MALRD1: variants seen among roughly 807,000 people sequenced by gnomAD.
The protein encoded by MALRD1 is MAM and LDL-receptor class A domain-containing protein 1.
A neutral mutation model predicts 242.1 loss-of-function variants in MALRD1; 247 were observed. The ratio of observed to expected loss-of-function variants is 1.02; its 90% CI spans 0.92 to 1.13. The LOEUF (loss-of-function observed/expected upper bound fraction) is 1.13. Ranked by LOEUF, MALRD1 falls within the 50% of genes most tolerant of loss-of-function variation. The probability of loss-of-function intolerance (pLI) is 0.00; values close to 1 mark genes in which losing one functional copy is unlikely to be tolerated. For missense variants in MALRD1, 2,989 were observed against 2,533.1 expected, an observed-to-expected ratio of 1.18 and a Z score of -3.86; for synonymous variants, 995 against 866.6, an observed-to-expected ratio of 1.15 and a Z score of -2.60.
At chr10:19,156,479 T>G (rs1397716757) in intron 12 of MALRD1, among the ~76,000 whole-genome samples, 67 of 133,496 alleles carry the variant, frequency 5.0e-4, no homozygotes, top group Admixed American at 5.0e-3. Context: ...TTTTTTTTTT[T>G]GAGGGGAAAC....
intron 26 of MALRD1, among the ~76,000 whole-genome samples, chr10:19,365,077 A>G (rs748538328): frequency 6.6e-6 from 1 of 152,178 alleles, no homozygotes; most frequent in Non-Finnish European, 1.5e-5. Context: ...AAAATTGTTT[A>G]TATAAAATTT....
chr10:19,387,468 G>T, intron 26 of MALRD1, 60 bp from the exon 27 acceptor site: 1 of 1,493,906 alleles, frequency 6.7e-7, no homozygotes, highest in South Asian at 1.4e-5. Flanking sequence ...ACTGCTTTTT[G>T]ACCTCACTGA....
At chr10:19,064,654 C>T (rs1378140430) in intron 1 of MALRD1, among the ~76,000 whole-genome samples, 1 of 151,448 alleles carries the variant, frequency 6.6e-6, no homozygotes, top group Non-Finnish European at 1.5e-5. Context: ...ACCTGTAATC[C>T]CAGCTACTCT....
intron 14 of MALRD1, among the ~76,000 whole-genome samples, chr10:19,197,370 C>G (rs778058659): frequency 6.6e-6 from 1 of 152,138 alleles, no homozygotes; most frequent in Admixed American, 6.5e-5. Context: ...GTCCTCCACT[C>G]TCTTCAGTAA....
chr10:19,645,945 AC>A (rs1840639052), intron 36 of MALRD1, among the ~76,000 whole-genome samples: 1 of 152,184 alleles, frequency 6.6e-6, no homozygotes, highest in African/African-American at 2.4e-5. Context: ...AAATTAAACA[AC>A]AACTTGTCTG....
chr10:19,546,760 TA>T (rs1457477796), intron 32 of MALRD1, among the ~76,000 whole-genome samples: 7 of 152,314 alleles, frequency 4.6e-5, no homozygotes, highest in African/African-American at 1.7e-4. Flanking sequence ...AAGTCCTAAC[TA>T]TTTCTGTAAG....
chr10:19,404,247 C>A (rs1181181656), intron 28 of MALRD1, among the ~76,000 whole-genome samples: 1 of 151,822 alleles, frequency 6.6e-6, no homozygotes, highest in African/African-American at 2.4e-5. Context: ...TCAGAATGCA[C>A]TTATGCTTTT....
At chr10:19,292,481 C>G (rs1293600199) in intron 21 of MALRD1, among the ~76,000 whole-genome samples, 1 of 152,128 alleles carries the variant, frequency 6.6e-6, no homozygotes, top group Admixed American at 6.6e-5. Flanking sequence ...AAAAAAAACA[C>G]TGATCGTTAT....
chr10:19,581,907 C>G (rs1183980984), intron 33 of MALRD1, among the ~76,000 whole-genome samples: 4 of 152,046 alleles, frequency 2.6e-5, no homozygotes, highest in Non-Finnish European at 5.9e-5. Flanking sequence ...TTTAATGATT[C>G]CCATTCTAAC....
At chr10:19,692,618 C>A in intron 38 of MALRD1, 64 bp downstream of exon 38, 2 of 1,300,088 alleles carry the variant, frequency 1.5e-6, no homozygotes, top group South Asian at 2.7e-5. Context: ...TTCAACATTT[C>A]CTTTGCTATT....
intron 29 of MALRD1, among the ~76,000 whole-genome samples, chr10:19,457,116 C>G (rs1282726118): frequency 6.6e-6 from 1 of 152,140 alleles, no homozygotes; most frequent in Admixed American, 6.5e-5. Flanking sequence ...ATCCTTAAGA[C>G]TCTGAAAAAT....
intron 34 of MALRD1, among the ~76,000 whole-genome samples, chr10:19,606,031 G>A (rs1469484001): frequency 6.6e-6 from 1 of 151,964 alleles, no homozygotes; most frequent in Admixed American, 6.6e-5. Context: ...AGTCAATGGA[G>A]ATACATATTC....
At chr10:19,202,509 A>T (rs74118859) in intron 14 of MALRD1, among the ~76,000 whole-genome samples, 2 of 152,106 alleles carry the variant, frequency 1.3e-5, no homozygotes, top group African/African-American at 4.8e-5. Context: ...AATTCCCTAT[A>T]ATTTTATTAT....
chr10:19,489,042 G>A (rs1463091898), intron 29 of MALRD1: 1 of 457,490 alleles, frequency 2.2e-6, no homozygotes, highest in Non-Finnish European at 4.4e-6. Context: ...CAGCAGCTCG[G>A]AGGGTGGAGG....
At chr10:19,197,930 T>C (rs1836340331) in intron 14 of MALRD1, among the ~76,000 whole-genome samples, 1 of 152,212 alleles carries the variant, frequency 6.6e-6, no homozygotes, top group African/African-American at 2.4e-5. Context: ...ATTTGCTAAG[T>C]TTTTGTCGAA....
chr10:19,510,359 G>T (rs1564401730), intron 31 of MALRD1, among the ~76,000 whole-genome samples: 1 of 152,158 alleles, frequency 6.6e-6, no homozygotes, highest in Admixed American at 6.5e-5. Flanking sequence ...GTGTCGGGCT[G>T]GGGGATGGTC....
At chr10:19,326,027 A>G (rs1235988820) in intron 22 of MALRD1, among the ~76,000 whole-genome samples, 2 of 112,626 alleles carry the variant, frequency 1.8e-5, no homozygotes, top group Non-Finnish European at 4.0e-5. Context: ...TAAATTTCAT[A>G]TCAATTTTAG....
intron 38 of MALRD1, among the ~76,000 whole-genome samples, chr10:19,716,200 A>G (rs923309919): frequency 1.3e-5 from 2 of 152,218 alleles, no homozygotes; most frequent in African/African-American, 4.8e-5. Context: ...CGTATTTTTT[A>G]AAAGGAGGTG....
intron 8 of MALRD1, among the ~76,000 whole-genome samples, chr10:19,128,834 C>T (rs1168871737): frequency 6.6e-6 from 1 of 152,050 alleles, no homozygotes; most frequent in East Asian, 1.9e-4. Context: ...TGAACAATGG[C>T]ACACTGGGTA....
Sources: allele counts gnomAD v4.1 joint callset (sites outside exome capture counted in the v4.1 genomes callset), GRCh38; gene constraint gnomAD v4.1.1; transcripts MANE v1.5; gene names NCBI Gene and HGNC (gene_info 2026-07-23, HGNC 2026-07-21).